The following PRDM1 variants were observed in gnomAD, a reference collection of about 807,000 sequenced individuals.
PRDM1 encodes PR domain zinc finger protein 1.
A neutral mutation model predicts 62.8 loss-of-function variants in PRDM1; 13 were observed. The observed-to-expected ratio is 0.21, with a 90% CI of 0.13 to 0.33. The LOEUF is 0.33. Among genes scored for constraint, PRDM1 ranks in the 10% least tolerant of loss-of-function variants. The pLI, the probability that PRDM1 is intolerant of heterozygous loss-of-function variation, is 1.00. For missense variants in PRDM1, 895 were observed against 1,058.8 expected, an observed-to-expected ratio of 0.85 and a Z score of 2.15; for synonymous variants, 396 against 417.6, an observed-to-expected ratio of 0.95 and a Z score of 0.63.
chr6:106,031,829 AT>A (rs1772847794), intron 1 of PRDM1, among the ~76,000 whole-genome samples: 1 of 152,216 alleles, frequency 6.6e-6, no homozygotes, highest in Non-Finnish European at 1.5e-5. Flanking sequence ...CAGCTATCTA[AT>A]TTTAAAGACA....
intron 2 of PRDM1, among the ~76,000 whole-genome samples, chr6:106,091,080 G>C (rs1773947773): frequency 6.6e-6 from 1 of 152,070 alleles, no homozygotes; most frequent in Admixed American, 6.6e-5. Context: ...TCTTTTATGG[G>C]GGTTTTCCCC....
intron 3 of PRDM1, among the ~76,000 whole-genome samples, chr6:106,096,380 T>A (rs1010715169): frequency 6.6e-6 from 1 of 152,146 alleles, no homozygotes; most frequent in Non-Finnish European, 1.5e-5. Context: ...TCTCTGGACC[T>A]CGTGATCCGC....
At chr6:106,043,891 C>T (rs1773037407), upstream of PRDM1, among the ~76,000 whole-genome samples, 1 of 152,132 alleles carries the variant, frequency 6.6e-6, no homozygotes, top group Admixed American at 6.6e-5. Context: ...TGCTCAGTGA[C>T]CATCATTGTA....
chr6:106,015,563 A>T (rs909431554), intron 1 of PRDM1, among the ~76,000 whole-genome samples: 1 of 142,924 alleles, frequency 7.0e-6, no homozygotes, highest in Non-Finnish European at 1.5e-5. Context: ...AAGCAGTAAC[A>T]ATGGTCTCTG....
chr6:106,016,849 T>G (rs1000240109), intron 1 of PRDM1, among the ~76,000 whole-genome samples: 53 of 152,120 alleles, frequency 3.5e-4, no homozygotes, highest in Admixed American at 5.9e-4. Flanking sequence ...AGACGGGGTT[T>G]CAACACGCTG....
At chr6:106,045,719 G>A (rs1292578353), upstream of PRDM1, 2 of 152,092 alleles carry the variant, frequency 1.3e-5, no homozygotes, top group Non-Finnish European at 2.9e-5. Flanking sequence ...CTCTAAAACG[G>A]GGTCAACAAA....
chr6:106,079,177 CT>C (rs1389824520), intron 1 of PRDM1, among the ~76,000 whole-genome samples: 1 of 151,906 alleles, frequency 6.6e-6, no homozygotes, highest in Non-Finnish European at 1.5e-5. Context: ...GTTGGCCAGG[CT>C]GGTCTCAAAC....
Position 106,108,019 on chromosome 6 carries a change from G to A in PRDM1, c.*533G>A, listed in dbSNP as rs78648084. ...CTAAGATTTAGTTAAACAAATATAT[G>A]ACTTCAGTCAACCTCTCTCTCTAAT... On this transcript the variant is annotated 3_prime_UTR_variant, in exon 7 of 7. Transcript: ENST00000369096. The A allele has an allele frequency of 1.8e-4, 41 of 232,848 alleles. No homozygotes were observed. Among genetic ancestry groups the A allele is most frequent in the Non-Finnish European group, 3.0e-4 (35 of 117,588 alleles). The allele number at this position is 232,848 out of a possible 1,614,324, so 14.4% of individuals were successfully genotyped here.
At chr6:106,076,868 C>T (rs1485910355) in intron 1 of PRDM1, among the ~76,000 whole-genome samples, 1 of 152,098 alleles carries the variant, frequency 6.6e-6, no homozygotes, top group Non-Finnish European at 1.5e-5. Context: ...AGTGGCTTTC[C>T]GTGAAAGGGA....
intron 1 of PRDM1, among the ~76,000 whole-genome samples, chr6:106,013,185 T>C (rs1340882619): frequency 6.6e-6 from 1 of 151,268 alleles, no homozygotes; most frequent in Non-Finnish European, 1.5e-5. Context: ...TGCCTGGCCA[T>C]ACTCTTCAAC....
At chr6:106,085,224 A>G (rs1323076734), upstream of PRDM1, among the ~76,000 whole-genome samples, 1 of 152,118 alleles carries the variant, frequency 6.6e-6, no homozygotes, top group Non-Finnish European at 1.5e-5. Context: ...GTGTGTGCAC[A>G]CGTGTATTTA....
Position 106,107,288 on chromosome 6 carries a change from G to A in PRDM1, c.2280G>A (p.Leu760=). ...SVISVVEKEI[L]AVVRKEKEET... ...TCTCTGTAGTGGAGAAGGAAATTCT[G>A]GCCGTGGTCAGAAAAGAGAAAGAAG... Residue 760 remains leucine, a synonymous_variant, in exon 7 of 7, where the codon CTG becomes CTA. Coordinates refer to ENST00000369096, the MANE Select transcript of PRDM1 (RefSeq NM_001198.4). The A allele has an allele frequency of 6.2e-7, 1 of 1,614,164 alleles. No individual in the cohort carries two copies. Among genetic ancestry groups the A allele is most frequent in the Non-Finnish European group, 8.5e-7 (1 of 1,180,036 alleles).
chr6:106,038,832 C>T lies in PRDM1; in HGVS notation c.-67+45193C>T, dbSNP rs1476662574. Reference sequence around the variant, plus strand: ...AACCATAATTTGACATCCAAGCCTTCCCCTAGAGGTTGCATGAGTTCCAAA... The same window carrying T: ...AACCATAATTTGACATCCAAGCCTTTCCCTAGAGGTTGCATGAGTTCCAAA... On this transcript the variant is annotated intron_variant, in intron 1 of 6. Coordinates refer to the PRDM1 transcript ENST00000652320. Among the ~76,000 whole-genome samples, 4 of 152,162 alleles carry T rather than the reference C, an allele frequency of 2.6e-5. No individual in the cohort carries two copies. The East Asian group carries it at 5.8e-4, about 22-fold the overall frequency.
intron 1 of PRDM1, among the ~76,000 whole-genome samples, chr6:106,002,569 G>C (rs1772439439): frequency 6.6e-6 from 1 of 152,030 alleles, no homozygotes; most frequent in Non-Finnish European, 1.5e-5. Context: ...AACTCTTAAG[G>C]TTTTTAAAAT....
intron 1 of PRDM1, among the ~76,000 whole-genome samples, chr6:106,013,654 T>C (rs1772584008): frequency 6.6e-6 from 1 of 152,168 alleles, no homozygotes; most frequent in Admixed American, 6.5e-5. Flanking sequence ...TCCTTTCTTC[T>C]TTTGAGAGTC....
intron 1 of PRDM1, among the ~76,000 whole-genome samples, chr6:106,080,783 G>T (rs1200457701): frequency 6.6e-6 from 1 of 152,160 alleles, no homozygotes; most frequent in African/African-American, 2.4e-5. Flanking sequence ...AGGAGTTGTG[G>T]GGATCCTGCC....
Position 106,106,328 on chromosome 6 carries a change from A to T in PRDM1, c.1774-43A>T. 6.2e-7 allele frequency: 1 copy of T among 1,607,338 alleles called. No homozygotes were observed. Among genetic ancestry groups the T allele is most frequent in the South Asian group, 1.1e-5 (1 of 90,770 alleles). On this transcript the variant is annotated intron_variant, in intron 5 of 6. Coordinates refer to ENST00000369096, the MANE Select transcript of PRDM1 (RefSeq NM_001198.4). The surrounding 1 kb of genome is among the most constrained non-coding windows in gnomAD (Gnocchi z 4.4). ...TTGGAGCAGAAATGTTAGGTCTCAG[A>T]GCCAGCTTGAGAGCAGAGCTAACAC... is the stretch of plus-strand genomic sequence containing the variant.
upstream of PRDM1, among the ~76,000 whole-genome samples, chr6:106,084,489 T>G (rs1022294306): frequency 2.0e-5 from 3 of 152,194 alleles, no homozygotes; most frequent in African/African-American, 7.2e-5. Flanking sequence ...TATCAAACTT[T>G]TTGCCTATTC....
chr6:106,037,711 T>G (rs1293152022), intron 1 of PRDM1, among the ~76,000 whole-genome samples: 1 of 152,062 alleles, frequency 6.6e-6, no homozygotes, highest in African/African-American at 2.4e-5. Flanking sequence ...TCTTTTTAGG[T>G]TTTCTATCTT....
Sources: gnomAD v4.1 joint callset for allele counts (sites outside exome capture counted in the v4.1 genomes callset) on GRCh38, gnomAD v4.1.1 for gene constraint, Gnocchi (gnomAD v3.1) non-coding constraint, MANE v1.5 for transcripts, NCBI Gene and HGNC (gene_info 2026-07-23, HGNC 2026-07-21) for gene names.